Variants in PUS7L observed in about 807,000 individuals in gnomAD.
PUS7L encodes pseudouridylate synthase PUS7L.
Under a neutral mutation model 51.1 loss-of-function variants are expected in PUS7L, and 49 were observed. That is an observed-to-expected ratio of 0.96 (90% CI 0.76 to 1.22). PUS7L has a LOEUF of 1.22. Among genes scored for constraint, PUS7L ranks in the 50% most tolerant of loss-of-function variants. The probability of loss-of-function intolerance (pLI) is 0.00; values close to 1 mark genes in which losing one functional copy is unlikely to be tolerated. For missense variants in PUS7L, 828 were observed against 820.6 expected (o/e 1.01, Z -0.11); for synonymous variants, 277 against 276.2 (o/e 1.00, Z -0.03).
rs1199332498 is a variant in PUS7L, at chr12:43,729,761, G to A, written c.*615C>T. 1 of 152,306 alleles carries A rather than the reference G, an allele frequency of 6.6e-6. No individual in the cohort carries two copies. Among genetic ancestry groups the A allele is most frequent in the Non-Finnish European group, 1.5e-5 (1 of 68,190 alleles). The allele number at this position is 152,306 out of a possible 1,614,324, so 9.4% of individuals were successfully genotyped here. A position where few individuals can be genotyped will look rare whatever the true frequency, so the allele number is the denominator to read the frequency against. On this transcript the variant is annotated 3_prime_UTR_variant, in exon 9 of 9. Coordinates refer to ENST00000344862, the MANE Select transcript of PUS7L (RefSeq NM_031292.5). Reference sequence around the variant, plus strand: ...GAAAAAATTACAAATGGTCAAGAGGGTCAGCGTATGCCAAGATATAAAAAT... The same window carrying A: ...GAAAAAATTACAAATGGTCAAGAGGATCAGCGTATGCCAAGATATAAAAAT...
chr12:43,748,652 C>T, intron 2 of PUS7L, 43 bp from the exon 3 acceptor site: 1 of 1,447,884 alleles, frequency 6.9e-7, no homozygotes, highest in Non-Finnish European at 9.4e-7. Context: ...AAGCAGCTAC[C>T]ATACATCAAT....
In PUS7L at chr12:43,730,043, C is replaced by A; in HGVS notation, c.*333G>T. On this transcript the variant is annotated 3_prime_UTR_variant, in exon 9 of 9. Transcript: ENST00000344862. Reference sequence around the variant, plus strand: ...CAAGGAGCTGGAGGATATGAATATTCACAACTTTTTTTCTTAAATGTTATC... The same window carrying A: ...CAAGGAGCTGGAGGATATGAATATTAACAACTTTTTTTCTTAAATGTTATC... 5.1e-6 allele frequency: 1 copy of A among 196,742 alleles called. No individual in the cohort carries two copies. 12.2% of individuals were successfully genotyped at this position (196,742 alleles called of 1,614,324 possible). A position where few individuals can be genotyped will look rare whatever the true frequency, so the allele number is the denominator to read the frequency against.
Position 43,723,900 on chromosome 12 carries a change from T to C in PUS7L, c.*6476A>G, listed in dbSNP as rs1028438504. The C allele has an allele frequency of 2.6e-5, 4 of 152,110 alleles. No homozygotes were observed. The highest frequency in any genetic ancestry group is 4.4e-5 in the Non-Finnish European group (3 of 67,960). 9.4% of individuals were successfully genotyped at this position (152,110 alleles called of 1,614,324 possible). A position where few individuals can be genotyped will look rare whatever the true frequency, so the allele number is the denominator to read the frequency against. On this transcript the variant is annotated 3_prime_UTR_variant, in exon 9 of 9. Coordinates refer to ENST00000344862, the MANE Select transcript of PUS7L (RefSeq NM_031292.5). Reference sequence around the variant, plus strand: ...AAAATCTCTCTCTCTCAAAATGTTGTCATGAGCCACCAAAACCATTCTGAA... The same window carrying C: ...AAAATCTCTCTCTCTCAAAATGTTGCCATGAGCCACCAAAACCATTCTGAA...
chr12:43,730,826 C>A (rs1318348656), intron 8 of PUS7L, 124 bp from the exon 9 acceptor site: 2 of 632,546 alleles, frequency 3.2e-6, no homozygotes, highest in Non-Finnish European at 5.5e-6. Flanking sequence ...ATAAACACCA[C>A]AATCAGCCTA....
chr12:43,738,562 G>GA (rs1397451639), intron 5 of PUS7L, among the ~76,000 whole-genome samples, 171 bp from the exon 6 acceptor site: 2 of 152,094 alleles, frequency 1.3e-5, no homozygotes, highest in Non-Finnish European at 2.9e-5. Flanking sequence ...GTTAAATGTA[G>GA]AAATAAGCCT....
chr12:43,734,542 A>G (rs73280408), intron 7 of PUS7L, among the ~76,000 whole-genome samples: 2,383 of 152,292 alleles, frequency 0.016, 71 homozygotes, highest in African/African-American at 0.053. Context: ...TACATCAAGA[A>G]TTCTGACATT....
chr12:43,751,751 T>C (rs1938459674), intron 2 of PUS7L, among the ~76,000 whole-genome samples: 1 of 152,222 alleles, frequency 6.6e-6, no homozygotes, highest in African/African-American at 2.4e-5. Flanking sequence ...TTTCTAGTTC[T>C]AGATCCCTGA....
chr12:43,747,263 C>T (rs1938214794), intron 3 of PUS7L, among the ~76,000 whole-genome samples: 1 of 152,012 alleles, frequency 6.6e-6, no homozygotes, highest in African/African-American at 2.4e-5. Flanking sequence ...TTTCCATTTT[C>T]AAAAACAGGG....
intron 5 of PUS7L, among the ~76,000 whole-genome samples, chr12:43,741,824 T>C (rs1937910741): frequency 6.6e-6 from 1 of 152,308 alleles, no homozygotes; most frequent in Admixed American, 6.5e-5. Context: ...GAAATCATAT[T>C]AGAACACAGG....
chr12:43,731,186 T>C (rs1486420313), intron 8 of PUS7L, among the ~76,000 whole-genome samples: 2 of 152,156 alleles, frequency 1.3e-5, no homozygotes, highest in African/African-American at 4.8e-5. Context: ...ACACTGCATT[T>C]TGTGGGTTGT....
chr12:43,750,013 C>CA (rs1938366454), intron 2 of PUS7L, among the ~76,000 whole-genome samples: 1 of 152,178 alleles, frequency 6.6e-6, no homozygotes, highest in African/African-American at 2.4e-5. Context: ...ACCCTTGTAA[C>CA]AAACCTGCAC....
chr12:43,748,626 A>C lies in PUS7L; in HGVS notation c.911-17T>G, dbSNP rs763029604. ...GGGTAAAAGCTGAAACAAAAAAAAA[A>C]CTTAGATCACAAAAAAAGCAGCTAC... is the stretch of plus-strand genomic sequence containing the variant. On this transcript the variant is annotated splice_polypyrimidine_tract_variant and intron_variant, in intron 2 of 8. Transcript: ENST00000344862. 6.4e-7 allele frequency: 1 copy of C among 1,561,504 alleles called. No individual in the cohort carries two copies. Among genetic ancestry groups the C allele is most frequent in the South Asian group, 1.2e-5 (1 of 82,782 alleles).
chr12:43,758,574 G>T, intron 1 of PUS7L, 156 bp downstream of exon 1: 1 of 983,592 alleles, frequency 1.0e-6, no homozygotes, highest in Non-Finnish European at 1.2e-6. Flanking sequence ...CTCTTACTCT[G>T]CCTGTCCAAA....
At chr12:43,757,522 G>A (rs192984300) in intron 1 of PUS7L, among the ~76,000 whole-genome samples, 2 of 150,858 alleles carry the variant, frequency 1.3e-5, no homozygotes, top group Admixed American at 1.3e-4. Flanking sequence ...GCAGTTCTAG[G>A]TAAAGTTTTT....
At chr12:43,751,350 C>T (rs1319869459) in intron 2 of PUS7L, among the ~76,000 whole-genome samples, 1 of 130,752 alleles carries the variant, frequency 7.6e-6, no homozygotes, top group Non-Finnish European at 1.6e-5. Context: ...CTCCCCCCTC[C>T]CCCCACTCCA....
rs113418372 is a variant in PUS7L at position 43,737,873 on chromosome 12, AC to A, written c.1444+436del. 164 of 169,076 alleles carry A rather than the reference AC, an allele frequency of 9.7e-4. 1 individual carries two copies. Among genetic ancestry groups the A allele is most frequent in the African/African-American group, 3.7e-3 (153 of 41,620 alleles). The allele number at this position is 169,076 out of a possible 1,614,324, so 10.5% of individuals were successfully genotyped here. On this transcript the variant is annotated intron_variant, in intron 6 of 8. Transcript: ENST00000344862. ...AAGCATTCTATATGTATTCCATCAT[AC>A]TGACCTAACGTTTTAAAAATTGACA... is the stretch of plus-strand genomic sequence containing the variant.
At position 43,736,392 on chromosome 12, in the gene PUS7L, G is replaced by A. The variant is rs1474733536; in HGVS notation, c.1714C>T (p.Pro572Ser). The change falls in exon 7 of 9, where the codon CCA (proline) becomes TCA (serine). Residue 572 changes from proline to serine, a missense_variant. Coordinates refer to ENST00000344862, the MANE Select transcript of PUS7L (RefSeq NM_031292.5). ...LDEDIDDENFPNSKIHLVTEE... is the reference protein window; with the variant it reads ...LDEDIDDENFSNSKIHLVTEE... The stretch of plus-strand genomic sequence containing the variant: ...GGAATGATACTTACTTTACTATTTG[G>A]GAAATTCTCGTCATCAATGTCTTCA... 1 of 1,613,302 alleles carries A rather than the reference G, an allele frequency of 6.2e-7. No individual in the cohort carries two copies. Among genetic ancestry groups the A allele is most frequent in the African/African-American group, 1.3e-5 (1 of 74,864 alleles).
Position 43,722,760 on chromosome 12 carries a change from A to C in PUS7L, c.*7616T>G, listed in dbSNP as rs986716071. The stretch of plus-strand genomic sequence containing the variant: ...AGGGGAGGCATTGGAAACAATGATC[A>C]GCTCAGATTAAAACCCTATTGTACT... On this transcript the variant is annotated 3_prime_UTR_variant, in exon 9 of 9. Transcript: ENST00000344862. 2 of 152,148 alleles carry C rather than the reference A, an allele frequency of 1.3e-5. No individual in the cohort carries two copies. Among genetic ancestry groups the C allele is most frequent in the African/African-American group, 4.8e-5 (2 of 41,452 alleles). 9.4% of individuals were successfully genotyped at this position (152,148 alleles called of 1,614,324 possible). A position where few individuals can be genotyped will look rare whatever the true frequency, so the allele number is the denominator to read the frequency against.
chr12:43,745,910 T>A, intron 4 of PUS7L, 136 bp downstream of exon 4: 1 of 523,848 alleles, frequency 1.9e-6, no homozygotes, highest in Non-Finnish European at 3.3e-6. Flanking sequence ...TAATTATCAC[T>A]TTAGAAAATA....
Sources: allele counts gnomAD v4.1 joint callset (sites outside exome capture counted in the v4.1 genomes callset), GRCh38; gene constraint gnomAD v4.1.1; transcripts MANE v1.5; gene names NCBI Gene and HGNC (gene_info 2026-07-23, HGNC 2026-07-21).